SLC8A1: variants seen among roughly 807,000 people sequenced by gnomAD.
SLC8A1 encodes the protein sodium/calcium exchanger 1.
In SLC8A1, 18 loss-of-function variants were observed where a neutral mutation model predicts 68.3. The ratio of observed to expected loss-of-function variants is 0.26; its 90% confidence interval spans 0.18 to 0.39. The LOEUF (loss-of-function observed/expected upper bound fraction) is 0.39, where lower values mean the gene tolerates loss of function less well. Among genes scored for constraint, SLC8A1 ranks in the 10% least tolerant of loss-of-function variants. The pLI is 1.00. For synonymous variants in SLC8A1, 475 were observed against 415.5 expected (o/e 1.14, Z -1.74); for missense variants, 985 against 1,156.7 (o/e 0.85, Z 2.15).
chr2:40,429,858 G>A (rs1449245019), exon 2 of SLC8A1: 5 of 1,613,094 alleles, frequency 3.1e-6, no homozygotes, highest in East Asian at 2.2e-5. Context: ...AAGATCCCAG[G>A]GCCATCAAGG....
chr2:40,461,998 C>T (rs1285507516), intron 1 of SLC8A1, among the ~76,000 whole-genome samples: 1 of 69,118 alleles, frequency 1.4e-5, no homozygotes, highest in East Asian at 8.5e-4. Flanking sequence ...AAGTAAAATC[C>T]TCCTTTTTTT....
At chr2:40,491,867 A>G (rs1341455495) in intron 1 of SLC8A1, among the ~76,000 whole-genome samples, 1 of 152,194 alleles carries the variant, frequency 6.6e-6, no homozygotes, top group Non-Finnish European at 1.5e-5. Context: ...ATGGAAGAAC[A>G]TTCCATGCTC....
intron 2 of SLC8A1, among the ~76,000 whole-genome samples, chr2:40,183,120 T>C (rs1032828697): frequency 1.3e-5 from 2 of 152,138 alleles, no homozygotes; most frequent in Non-Finnish European, 2.9e-5. Flanking sequence ...TAATTCCTAC[T>C]ACCTGCGATT....
chr2:40,375,792 C>G (rs78628090), intron 2 of SLC8A1, among the ~76,000 whole-genome samples: 4,124 of 152,134 alleles, frequency 0.027, 83 homozygotes, highest in Non-Finnish European at 0.039. Flanking sequence ...TGCTTGAGCT[C>G]GAAAGTTGAA....
chr2:40,284,610 A>G (rs939730354), intron 2 of SLC8A1, among the ~76,000 whole-genome samples: 15 of 147,708 alleles, frequency 1.0e-4, no homozygotes, highest in Admixed American at 2.0e-4. Context: ...CATTATATAT[A>G]TAAATTAAAT....
rs577613681 is a variant in SLC8A1 at position 40,385,535 on chromosome 2, T to C, written c.1808+42938A>G. On this transcript the variant is annotated intron_variant, in intron 2 of 7. Transcript: ENST00000406785. The stretch of plus-strand genomic sequence containing the variant: ...AATAAACACGGGATAATGATAATAA[T>C]AACATCAATATAATGTAAAAGTTAT... 2.2e-4 allele frequency among the ~76,000 whole-genome samples: 33 copies of C among 151,210 alleles called. No individual in the cohort carries two copies. The South Asian group carries it at 3.9e-3, about 18-fold the overall frequency.
At chr2:40,317,152 T>A (rs1001623224) in intron 2 of SLC8A1, among the ~76,000 whole-genome samples, 7 of 152,064 alleles carry the variant, frequency 4.6e-5, no homozygotes, top group Non-Finnish European at 7.4e-5. Context: ...TTTGAAGGTA[T>A]CCTTGGCAGA....
chr2:40,225,642 T>C (rs1045406552), intron 2 of SLC8A1, among the ~76,000 whole-genome samples: 1 of 152,150 alleles, frequency 6.6e-6, no homozygotes, highest in Non-Finnish European at 1.5e-5. Flanking sequence ...AACAAGGAAC[T>C]TAATCTTAAA....
At chr2:40,426,941 A>T (rs1697024019) in intron 2 of SLC8A1, among the ~76,000 whole-genome samples, 1 of 152,052 alleles carries the variant, frequency 6.6e-6, no homozygotes, top group African/African-American at 2.4e-5. Context: ...TTTCCAATGC[A>T]AGACCACTGA....
At chr2:40,403,531 A>G (rs2149668221) in intron 2 of SLC8A1, among the ~76,000 whole-genome samples, 1 of 152,322 alleles carries the variant, frequency 6.6e-6, no homozygotes, top group South Asian at 2.1e-4. Context: ...CTTTCCCTGC[A>G]GGAGTAAATT....
intron 1 of SLC8A1, among the ~76,000 whole-genome samples, chr2:40,463,536 A>G (rs72613873): frequency 0.059 from 9,040 of 152,222 alleles, 711 homozygotes; most frequent in East Asian, 0.4. Context: ...AAAATTTAGC[A>G]GAATTCCTTC....
intron 5 of SLC8A1, among the ~76,000 whole-genome samples, chr2:40,162,928 C>T (rs972530316): frequency 1.3e-5 from 2 of 152,086 alleles, no homozygotes; most frequent in Admixed American, 6.6e-5. Flanking sequence ...GTTCTGGGAG[C>T]TCTGAGTAAG....
intron 2 of SLC8A1, among the ~76,000 whole-genome samples, chr2:40,328,812 G>A (rs374878224): frequency 6.6e-6 from 1 of 151,890 alleles, no homozygotes; most frequent in African/African-American, 2.4e-5. Flanking sequence ...CTCCCACCTG[G>A]ACTATTGCAA....
chr2:40,110,275 A>G (rs2034479339), exon 8 of SLC8A1: 1 of 152,146 alleles, frequency 6.6e-6, no homozygotes, highest in Non-Finnish European at 1.5e-5. Context: ...TCAATTGTTT[A>G]CCCTTCCTAT....
intron 2 of SLC8A1, among the ~76,000 whole-genome samples, chr2:40,221,973 C>T (rs1006079769): frequency 6.6e-6 from 1 of 151,994 alleles, no homozygotes; most frequent in South Asian, 2.1e-4. Flanking sequence ...CAATGCTATC[C>T]CCATCAAGCT....
chr2:40,497,368 T>A (rs983451551), intron 1 of SLC8A1, among the ~76,000 whole-genome samples: 1 of 151,986 alleles, frequency 6.6e-6, no homozygotes, highest in Admixed American at 6.6e-5. Context: ...TCAAGATAAG[T>A]AAGATTGATA....
intron 1 of SLC8A1, among the ~76,000 whole-genome samples, chr2:40,440,773 A>C (rs1369901481): frequency 6.6e-6 from 1 of 152,200 alleles, no homozygotes; most frequent in African/African-American, 2.4e-5. Context: ...GATTGATGGG[A>C]CATCTCAAAA....
chr2:40,394,816 G>C (rs186111726), intron 2 of SLC8A1, among the ~76,000 whole-genome samples: 32 of 152,108 alleles, frequency 2.1e-4, no homozygotes, highest in African/African-American at 7.0e-4. Context: ...TGCTAGCTTG[G>C]GGAAGTTGAA....
chr2:40,425,929 A>G (rs1331830233), intron 2 of SLC8A1, among the ~76,000 whole-genome samples: 1 of 152,032 alleles, frequency 6.6e-6, no homozygotes, highest in African/African-American at 2.4e-5. Flanking sequence ...ATGCATTTGT[A>G]TGTTCATTGC....
Sources: gnomAD v4.1 joint callset for allele counts (sites outside exome capture counted in the v4.1 genomes callset) on GRCh38, gnomAD v4.1.1 for gene constraint, MANE v1.5 for transcripts, NCBI Gene and HGNC (gene_info 2026-07-23, HGNC 2026-07-21) for gene names.